Variants in HS6ST3 observed in about 807,000 individuals in gnomAD.
HS6ST3 encodes heparan-sulfate 6-O-sulfotransferase 3.
A neutral mutation model predicts 36.7 loss-of-function variants in HS6ST3; 12 were observed. The observed-to-expected ratio is 0.33, with a 90% CI of 0.21 to 0.53. HS6ST3 has a LOEUF of 0.53. HS6ST3 is among the 20% of genes least tolerant of loss of function. The probability of loss-of-function intolerance (pLI) is 0.95; values close to 1 mark genes in which losing one functional copy is unlikely to be tolerated. For synonymous variants in HS6ST3, 240 were observed against 257.5 expected (o/e 0.93, Z 0.65); for missense variants, 584 against 640.9 (o/e 0.91, Z 0.96).
At position 96,789,271 on chromosome 13, in the gene HS6ST3, G is replaced by T. The variant is rs537873530; in HGVS notation, c.708-43219G>T. Among the ~76,000 whole-genome samples, 275 of 151,726 alleles carry T rather than the reference G, an allele frequency of 1.8e-3. 2 individuals carry two copies. The highest frequency in any genetic ancestry group is 6.0e-3 in the African/African-American group (248 of 41,458). On this transcript the variant is annotated intron_variant, in intron 1 of 1. Transcript: ENST00000376705. ...ACTTAATATTTTATTACTTTAAGTGGAATATGGGAATTTTATCAATATAGA... is the reference window on the plus strand; with the variant it reads ...ACTTAATATTTTATTACTTTAAGTGTAATATGGGAATTTTATCAATATAGA...
chr13:96,346,337 G>A (rs961325534), intron 1 of HS6ST3, among the ~76,000 whole-genome samples: 1 of 152,124 alleles, frequency 6.6e-6, no homozygotes, highest in African/African-American at 2.4e-5. Flanking sequence ...CACTTTGGGA[G>A]GCCAAGGTGG....
At chr13:96,120,762 A>T (rs1039914959) in intron 1 of HS6ST3, among the ~76,000 whole-genome samples, 1 of 152,202 alleles carries the variant, frequency 6.6e-6, no homozygotes, top group Non-Finnish European at 1.5e-5. Flanking sequence ...ATTTCTGTGT[A>T]TGGAGCTTGG....
chr13:96,252,760 C>T (rs113705098), intron 1 of HS6ST3, among the ~76,000 whole-genome samples: 35 of 152,116 alleles, frequency 2.3e-4, no homozygotes, highest in African/African-American at 8.0e-4. Flanking sequence ...CCTGGCTTGG[C>T]GCTGCCCTCA....
At chr13:96,764,142 A>G (rs1031254603) in intron 1 of HS6ST3, among the ~76,000 whole-genome samples, 2 of 152,226 alleles carry the variant, frequency 1.3e-5, no homozygotes, top group African/African-American at 4.8e-5. Context: ...CCTTTAAATA[A>G]AGCCTTTTCT....
chr13:96,775,066 C>G (rs1179696718), intron 1 of HS6ST3, among the ~76,000 whole-genome samples: 1 of 152,134 alleles, frequency 6.6e-6, no homozygotes, highest in Admixed American at 6.5e-5. Flanking sequence ...CCCAGAGTTT[C>G]ATATCCTGCC....
chr13:96,116,588 A>G (rs1241342865), intron 1 of HS6ST3, among the ~76,000 whole-genome samples: 2 of 152,246 alleles, frequency 1.3e-5, no homozygotes, highest in African/African-American at 4.8e-5. Context: ...CGTATTATTC[A>G]TCCATGAATT....
At chr13:96,363,982 T>C in intron 1 of HS6ST3, among the ~76,000 whole-genome samples, 1 of 152,310 alleles carries the variant, frequency 6.6e-6, no homozygotes, top group South Asian at 2.1e-4. Flanking sequence ...TACAAAATAA[T>C]CTTTTTAATG....
intron 1 of HS6ST3, among the ~76,000 whole-genome samples, chr13:96,438,202 G>T (rs2055652462): frequency 6.6e-6 from 1 of 152,166 alleles, no homozygotes; most frequent in Non-Finnish European, 1.5e-5. Flanking sequence ...ACTGGTTCTT[G>T]TGTCTTAATA....
chr13:96,248,485 T>A (rs1193919586), intron 1 of HS6ST3, among the ~76,000 whole-genome samples: 1 of 152,220 alleles, frequency 6.6e-6, no homozygotes, highest in African/African-American at 2.4e-5. Context: ...CTTGCACATA[T>A]AAAAGGAAAA....
intron 1 of HS6ST3, among the ~76,000 whole-genome samples, chr13:96,665,936 C>A (rs536578727): frequency 2.2e-4 from 33 of 152,058 alleles, no homozygotes; most frequent in Non-Finnish European, 4.4e-4. Flanking sequence ...TTAAACTAAG[C>A]CTTTTTGAGT....
intron 1 of HS6ST3, among the ~76,000 whole-genome samples, chr13:96,417,590 A>ATGTG (rs148288275): frequency 0.047 from 6,540 of 139,790 alleles, 173 homozygotes; most frequent in African/African-American, 0.059. Context: ...GCATATATAT[A>ATGTG]TGTGTGTGTG....
chr13:96,688,105 A>G (rs1308011859), intron 1 of HS6ST3, among the ~76,000 whole-genome samples: 1 of 151,148 alleles, frequency 6.6e-6, no homozygotes, highest in Non-Finnish European at 1.5e-5. Context: ...GCATTAGGAG[A>G]TATACCTAAT....
chr13:96,824,322 A>G (rs1878604759), intron 1 of HS6ST3, among the ~76,000 whole-genome samples: 2 of 152,188 alleles, frequency 1.3e-5, no homozygotes, highest in Admixed American at 1.3e-4. Flanking sequence ...CCTCCTCCTC[A>G]TGTTGCGGAC....
intron 1 of HS6ST3, among the ~76,000 whole-genome samples, chr13:96,329,833 C>T (rs2055054851): frequency 8.3e-6 from 1 of 120,540 alleles, no homozygotes; most frequent in South Asian, 3.2e-4. Flanking sequence ...CTTTGTAGGT[C>T]ACTCAGGACT....
chr13:96,653,054 G>A (rs1046794211), intron 1 of HS6ST3, among the ~76,000 whole-genome samples: 1 of 151,870 alleles, frequency 6.6e-6, no homozygotes, highest in Non-Finnish European at 1.5e-5. Context: ...CTGCTGTTTG[G>A]GGACTCATTT....
intron 1 of HS6ST3, among the ~76,000 whole-genome samples, chr13:96,189,864 T>G (rs1157257294): frequency 6.6e-6 from 1 of 152,270 alleles, no homozygotes; most frequent in Middle Eastern, 3.4e-3. Flanking sequence ...TCACAGGGCT[T>G]TGGTTGAAAC....
chr13:96,137,914 TA>T (rs760354353), intron 1 of HS6ST3, among the ~76,000 whole-genome samples: 14 of 152,212 alleles, frequency 9.2e-5, no homozygotes, highest in Non-Finnish European at 1.9e-4. Flanking sequence ...TGCCTATTTT[TA>T]TTGAAAGAAA....
Position 96,095,203 on chromosome 13 carries a change from G to A in HS6ST3, c.707+3634G>A, listed in dbSNP as rs145852106. Among the ~76,000 whole-genome samples the A allele has an allele frequency of 4.5e-3, 684 of 152,312 alleles. 8 individuals carry two copies. The highest frequency in any genetic ancestry group is 0.016 in the African/African-American group (658 of 41,578). ...TTGTGTTTACTATGGAAAGTGCAGTGGAGTGTGCCTTAAGCACCTGCTTAC... is the reference window on the plus strand; with the variant it reads ...TTGTGTTTACTATGGAAAGTGCAGTAGAGTGTGCCTTAAGCACCTGCTTAC... On this transcript the variant is annotated intron_variant, in intron 1 of 1. Coordinates refer to ENST00000376705, the MANE Select transcript of HS6ST3 (RefSeq NM_153456.4).
chr13:96,311,952 ATT>A (rs34625432), intron 1 of HS6ST3, among the ~76,000 whole-genome samples: 2 of 150,438 alleles, frequency 1.3e-5, no homozygotes, highest in East Asian at 2.0e-4. Flanking sequence ...TATTAAGTTC[ATT>A]TTTTTTTTGT....
Sources: allele counts gnomAD v4.1 joint callset (sites outside exome capture counted in the v4.1 genomes callset), GRCh38; gene constraint gnomAD v4.1.1; transcripts MANE v1.5; gene names NCBI Gene and HGNC (gene_info 2026-07-23, HGNC 2026-07-21).